SESTD1: variants seen among roughly 807,000 people sequenced by gnomAD.
SESTD1 encodes the protein SEC14 domain and spectrin repeat-containing protein 1.
A neutral mutation model predicts 101.7 loss-of-function variants in SESTD1; 43 were observed. The observed-to-expected ratio is 0.42, with a 90% CI of 0.33 to 0.55. The LOEUF is 0.55. SESTD1 is among the 20% of genes least tolerant of loss of function. SESTD1 has a pLI of 0.07. For missense variants in SESTD1, 647 were observed against 815.1 expected, an observed-to-expected ratio of 0.79 and a Z score of 2.51; for synonymous variants, 283 against 286.8, an observed-to-expected ratio of 0.99 and a Z score of 0.13.
rs537840364 is a variant in SESTD1, at chr2:179,261,038, T to C, written c.-26+3461A>G. ...TTTCAGCTTTTACTCTCTCTATATA[T>C]ATACACATACATACTATTCAAATTC... On this transcript the variant is annotated intron_variant, in intron 1 of 17. Transcript: ENST00000428443. Among the ~76,000 whole-genome samples, 4 of 152,264 alleles carry C rather than the reference T, an allele frequency of 2.6e-5. No homozygotes were observed. The East Asian group carries it at 7.7e-4, about 29-fold the overall frequency.
chr2:179,195,549 T>C (rs181489962), intron 1 of SESTD1, among the ~76,000 whole-genome samples: 2 of 152,198 alleles, frequency 1.3e-5, no homozygotes, highest in East Asian at 3.9e-4. Context: ...ACTTCAGGGG[T>C]TTAAAATATA....
intron 5 of SESTD1, among the ~76,000 whole-genome samples, chr2:179,154,926 A>T (rs2045600050): frequency 6.6e-6 from 1 of 152,190 alleles, no homozygotes; most frequent in South Asian, 2.1e-4. Flanking sequence ...ATATAACCAC[A>T]AAATTAAGCT....
At chr2:179,188,118 C>T (rs959417729) in intron 2 of SESTD1, among the ~76,000 whole-genome samples, 24 of 152,156 alleles carry the variant, frequency 1.6e-4, no homozygotes, top group African/African-American at 5.8e-4. Context: ...CCATCAACCA[C>T]AGAATATACA....
At chr2:179,132,503 C>T in intron 9 of SESTD1, 77 bp from the exon 10 acceptor site, 4 of 1,481,646 alleles carry the variant, frequency 2.7e-6, no homozygotes, top group Non-Finnish European at 2.7e-6. Flanking sequence ...TATTTTTCCC[C>T]TCCCAAAGTT....
intron 10 of SESTD1, among the ~76,000 whole-genome samples, chr2:179,130,608 A>G (rs1184988690): frequency 6.6e-6 from 1 of 152,048 alleles, no homozygotes; most frequent in Non-Finnish European, 1.5e-5. Context: ...AACTGTAATT[A>G]TTTATCTTGG....
intron 1 of SESTD1, among the ~76,000 whole-genome samples, chr2:179,246,659 A>G (rs1299450711): frequency 6.6e-6 from 1 of 152,206 alleles, no homozygotes; most frequent in African/African-American, 2.4e-5. Flanking sequence ...CCAAATGCAC[A>G]TGGATCACAG....
intron 1 of SESTD1, among the ~76,000 whole-genome samples, chr2:179,201,917 G>T (rs1489120909): frequency 1.8e-5 from 1 of 56,522 alleles, no homozygotes. Flanking sequence ...AAAACTTAAA[G>T]TATAATAATA....
chr2:179,257,426 T>C (rs1033339625), intron 1 of SESTD1, among the ~76,000 whole-genome samples: 4 of 152,228 alleles, frequency 2.6e-5, no homozygotes, highest in Admixed American at 6.5e-5. Flanking sequence ...TTTTTAGACA[T>C]AATTCTATCA....
Position 179,116,235 on chromosome 2 carries a change from T to C in SESTD1, c.1647+433A>G, listed in dbSNP as rs530658540. The stretch of plus-strand genomic sequence containing the variant: ...GTTGCAGTGAGCTGAGATTGCATCA[T>C]TGCAGTCCAGCCTGGGCAACAGAGG... On this transcript the variant is annotated intron_variant, in intron 15 of 17. Coordinates refer to ENST00000428443, the MANE Select transcript of SESTD1 (RefSeq NM_178123.5). 1.8e-4 allele frequency among the ~76,000 whole-genome samples: 27 copies of C among 151,582 alleles called. No homozygotes were observed. The East Asian group carries it at 4.3e-3, about 24-fold the overall frequency.
intron 9 of SESTD1, among the ~76,000 whole-genome samples, chr2:179,141,748 TCAG>T (rs145233263): frequency 0.16 from 24,885 of 151,894 alleles, 2,192 homozygotes; most frequent in South Asian, 0.28. Flanking sequence ...GAGGGTAGAT[TCAG>T]ATTATTTGGG....
intron 1 of SESTD1, among the ~76,000 whole-genome samples, chr2:179,237,125 C>A (rs13420582): frequency 0.16 from 24,215 of 151,656 alleles, 2,371 homozygotes; most frequent in African/African-American, 0.27. Context: ...AAATTATTTT[C>A]TAATAATGTA....
intron 8 of SESTD1, among the ~76,000 whole-genome samples, chr2:179,144,560 A>G (rs1466250153): frequency 6.6e-6 from 1 of 152,038 alleles, no homozygotes; most frequent in Non-Finnish European, 1.5e-5. Flanking sequence ...AAATAATTTT[A>G]AAAGTAAATA....
intron 1 of SESTD1, among the ~76,000 whole-genome samples, chr2:179,259,358 G>C (rs895737353): frequency 6.6e-6 from 1 of 152,096 alleles, no homozygotes; most frequent in African/African-American, 2.4e-5. Flanking sequence ...AGCCTCCTGA[G>C]TAGCTGGGAT....
chr2:179,127,320 T>C (rs144776937), intron 10 of SESTD1, among the ~76,000 whole-genome samples: 18 of 152,338 alleles, frequency 1.2e-4, no homozygotes, highest in Admixed American at 3.3e-4. Flanking sequence ...CAGAGAGGCC[T>C]TTCCTAAAAT....
intron 5 of SESTD1, among the ~76,000 whole-genome samples, chr2:179,154,521 C>T (rs1197989932): frequency 5.3e-5 from 8 of 152,000 alleles, no homozygotes; most frequent in Non-Finnish European, 7.4e-5. Context: ...TGGCTGCTAA[C>T]GTCACAAAAA....
At chr2:179,212,399 G>A (rs574914152) in intron 1 of SESTD1, among the ~76,000 whole-genome samples, 5 of 136,528 alleles carry the variant, frequency 3.7e-5, no homozygotes, top group East Asian at 2.0e-4. Context: ...CACTGCTAGC[G>A]CAGCAATCTG....
At chr2:179,234,648 G>C (rs1346476804) in intron 1 of SESTD1, among the ~76,000 whole-genome samples, 2 of 151,982 alleles carry the variant, frequency 1.3e-5, no homozygotes, top group Non-Finnish European at 2.9e-5. Flanking sequence ...ACCAGTAAAG[G>C]AACAAAACAA....
Position 179,143,747 on chromosome 2 carries a change from C to A in SESTD1, c.694G>T (p.Val232Phe), listed in dbSNP as rs1160918972. The part of the protein sequence containing the change: ...QRRFNGSDGG[V>F]SWSPMDDELL... Reference sequence around the variant, plus strand: ...TCATCATCCATAGGAGACCATGAAACCCCTCCGTCTGAGCCATTAAATCGA... The same window carrying A: ...TCATCATCCATAGGAGACCATGAAAACCCTCCGTCTGAGCCATTAAATCGA... Residue 232 changes from valine (V) to phenylalanine (F), a missense_variant, in exon 9 of 18, where the codon GTT (valine) becomes TTT (phenylalanine). Val to Phe is a conservative substitution (Grantham distance 50, BLOSUM62 -1). Around this residue, in one of 3 missense-constraint regions of SESTD1, gnomAD observed 476 missense variants for 562.6 expected, o/e 0.85. Coordinates refer to ENST00000428443, the MANE Select transcript of SESTD1 (RefSeq NM_178123.5). 3.8e-5 allele frequency: 62 copies of A among 1,613,854 alleles called. No homozygotes were observed. Among genetic ancestry groups the A allele is most frequent in the Non-Finnish European group, 5.2e-5 (61 of 1,179,942 alleles).
Position 179,108,311 on chromosome 2 carries a change from G to C in SESTD1, c.*1588C>G, listed in dbSNP as rs1249125737. On this transcript the variant is annotated 3_prime_UTR_variant, in exon 18 of 18. Transcript: ENST00000428443. ...GTACTCACAGTTATTTCAGAGGATA[G>C]CATCTTCAAGGAAGGAGACACTGTC... 6.6e-6 allele frequency: 1 copy of C among 152,194 alleles called. No homozygotes were observed. Among genetic ancestry groups the C allele is most frequent in the African/African-American group, 2.4e-5 (1 of 41,454 alleles). 9.4% of individuals were successfully genotyped at this position (152,194 alleles called of 1,614,324 possible). A position where few individuals can be genotyped will look rare whatever the true frequency, so the allele number is the denominator to read the frequency against.
Sources: gnomAD v4.1 joint callset for allele counts (sites outside exome capture counted in the v4.1 genomes callset) on GRCh38, gnomAD v4.1.1 for gene constraint, gnomAD v4.1.1 regional missense constraint, MANE v1.5 for transcripts, NCBI Gene and HGNC (gene_info 2026-07-23, HGNC 2026-07-21) for gene names.